MEF2C: variants seen among roughly 807,000 people sequenced by gnomAD.
MEF2C encodes the protein myocyte-specific enhancer factor 2C.
A neutral mutation model predicts 50.5 loss-of-function variants in MEF2C; 6 were observed. That is an observed-to-expected ratio of 0.12 (90% CI 0.07 to 0.23). MEF2C has a LOEUF of 0.23. Ranked by LOEUF, MEF2C falls within the 10% of genes least tolerant of loss-of-function variation. MEF2C has a pLI of 1.00. For missense variants in MEF2C, 276 were observed against 605.0 expected, an observed-to-expected ratio of 0.46 and a Z score of 5.70; for synonymous variants, 183 against 228.0, an observed-to-expected ratio of 0.80 and a Z score of 1.78.
At chr5:88,739,890 A>C in intron 6 of MEF2C, 2 of 985,328 alleles carry the variant, frequency 2.0e-6, no homozygotes, top group Non-Finnish European at 2.4e-6. Context: ...TTATCTTGCT[A>C]AAGACTCCTA....
At chr5:88,752,743 A>C (rs1773424968) in intron 4 of MEF2C, 2 of 985,460 alleles carry the variant, frequency 2.0e-6, no homozygotes, top group Non-Finnish European at 2.4e-6. Context: ...TAGTGAACTG[A>C]AGCTGTGTGG....
intron 1 of MEF2C, among the ~76,000 whole-genome samples, chr5:88,865,172 C>T (rs1425550714): frequency 6.6e-6 from 1 of 152,182 alleles, no homozygotes; most frequent in Admixed American, 6.5e-5. Context: ...GTTAGGATTA[C>T]AGGCAAGAGC....
chr5:88,769,446 G>A (rs610217), intron 3 of MEF2C, among the ~76,000 whole-genome samples: 72,661 of 151,888 alleles, frequency 0.48, 18,684 homozygotes, highest in East Asian at 0.59. Flanking sequence ...ATTGGAACCC[G>A]GACAGGGCAT....
intron 3 of MEF2C, among the ~76,000 whole-genome samples, chr5:88,773,309 AG>A (rs140656540): frequency 0.037 from 5,671 of 152,330 alleles, 140 homozygotes; most frequent in Non-Finnish European, 0.056. Flanking sequence ...GGCACTTATT[AG>A]GTTTGTATAC....
At chr5:88,824,383 T>TA in intron 1 of MEF2C, 1 of 983,620 alleles carries the variant, frequency 1.0e-6, no homozygotes, top group South Asian at 4.7e-5. Context: ...GCAGAGGTGA[T>TA]AACGTCCCTC....
At chr5:88,798,225 G>T (rs1025901947) in intron 3 of MEF2C, among the ~76,000 whole-genome samples, 1 of 152,092 alleles carries the variant, frequency 6.6e-6, no homozygotes, top group Non-Finnish European at 1.5e-5. Context: ...ATAATATCCT[G>T]AAGTGTTTTC....
At chr5:88,818,174 A>G (rs1190841692) in intron 2 of MEF2C, among the ~76,000 whole-genome samples, 1 of 152,014 alleles carries the variant, frequency 6.6e-6, no homozygotes, top group Non-Finnish European at 1.5e-5. Context: ...ACTATACATT[A>G]TACATATTAA....
chr5:88,882,845 C>T (rs1222359615), intron 1 of MEF2C, 110 bp downstream of exon 1: 1 of 151,916 alleles, frequency 6.6e-6, no homozygotes, highest in Non-Finnish European at 1.5e-5. Context: ...CTTCAGCCTT[C>T]AAAAAAGGCA....
At chr5:88,846,500 T>C (rs1246664586) in intron 1 of MEF2C, among the ~76,000 whole-genome samples, 2 of 152,194 alleles carry the variant, frequency 1.3e-5, no homozygotes, top group Non-Finnish European at 2.9e-5. Flanking sequence ...ATTACAAAAA[T>C]CACTCTGTAA....
chr5:88,779,300 C>A (rs1165112354), intron 3 of MEF2C, among the ~76,000 whole-genome samples: 1 of 152,092 alleles, frequency 6.6e-6, no homozygotes, highest in African/African-American at 2.4e-5. Flanking sequence ...AAACATAGTT[C>A]AAAGTCTGCT....
intron 3 of MEF2C, among the ~76,000 whole-genome samples, chr5:88,803,095 T>C (rs963802744): frequency 6.6e-6 from 1 of 152,234 alleles, no homozygotes; most frequent in Non-Finnish European, 1.5e-5. Context: ...TTCATATTTT[T>C]GTACTTTCAT....
intron 3 of MEF2C, chr5:88,780,710 TTGAC>T (rs924063236): frequency 3.2e-5 from 30 of 934,294 alleles, no homozygotes; most frequent in Middle Eastern, 5.4e-4. Flanking sequence ...CTAAGCATTG[TTGAC>T]TGACTAATAC....
At chr5:88,749,234 T>G in intron 5 of MEF2C, 117 bp from the exon 6 acceptor site, 1 of 1,291,638 alleles carries the variant, frequency 7.7e-7, no homozygotes. Flanking sequence ...ACTTGTAAAG[T>G]ACAACCCAAG....
rs934305339 is a variant in MEF2C at position 88,734,132 on chromosome 5, A to G, written c.638-2231T>C. On this transcript the variant is annotated intron_variant, in intron 6 of 10. Transcript: ENST00000504921. ...ATTTAATATGTCATCCTGAATCATT[A>G]TTGTGAATATGTTATGAACTTAGTT... The G allele has an allele frequency of 4.1e-6, 4 of 984,598 alleles. No individual in the cohort carries two copies. In the African/African-American group the frequency reaches 7.0e-5, roughly 17 times the overall value. 61.0% of individuals were successfully genotyped at this position (984,598 alleles called of 1,614,324 possible).
chr5:88,766,808 A>T (rs760564378), intron 3 of MEF2C: 12 of 985,438 alleles, frequency 1.2e-5, no homozygotes, highest in Non-Finnish European at 1.4e-5. Flanking sequence ...TATTAGTTGC[A>T]TCAATGTCAT....
intron 1 of MEF2C, among the ~76,000 whole-genome samples, chr5:88,833,449 GA>G (rs1328077659): frequency 2.0e-5 from 3 of 151,282 alleles, no homozygotes; most frequent in Admixed American, 6.6e-5. Context: ...ATATCCTGTG[GA>G]AAAAAAAATC....
intron 3 of MEF2C, among the ~76,000 whole-genome samples, chr5:88,777,801 A>C (rs879705064): frequency 6.6e-6 from 1 of 152,112 alleles, no homozygotes; most frequent in Admixed American, 6.5e-5. Flanking sequence ...ATAGATGGGA[A>C]GGCCCTTCAC....
chr5:88,845,627 G>T (rs1819034810), intron 1 of MEF2C, among the ~76,000 whole-genome samples: 1 of 152,116 alleles, frequency 6.6e-6, no homozygotes, highest in South Asian at 2.1e-4. Flanking sequence ...TAGGAAACAA[G>T]CAATAATGCA....
At chr5:88,841,749 C>T (rs897365400) in intron 1 of MEF2C, among the ~76,000 whole-genome samples, 1 of 152,116 alleles carries the variant, frequency 6.6e-6, no homozygotes, top group Non-Finnish European at 1.5e-5. Context: ...CTTCACTCAA[C>T]AATTTTTTTC....
Sources: gnomAD v4.1 joint callset for allele counts (sites outside exome capture counted in the v4.1 genomes callset) on GRCh38, gnomAD v4.1.1 for gene constraint, MANE v1.5 for transcripts, NCBI Gene and HGNC (gene_info 2026-07-23, HGNC 2026-07-21) for gene names.